SVIL: variants seen among roughly 807,000 people sequenced by gnomAD.
The protein encoded by SVIL is supervillin, also known as archvillin.
Under a neutral mutation model 240.4 loss-of-function variants are expected in SVIL, and 101 were observed. The observed-to-expected ratio is 0.42, with a 90% CI of 0.36 to 0.50. The LOEUF (loss-of-function observed/expected upper bound fraction) is 0.50. Among genes scored for constraint, SVIL ranks in the 20% least tolerant of loss-of-function variants. The probability of loss-of-function intolerance (pLI) is 0.01; values close to 1 mark genes in which losing one functional copy is unlikely to be tolerated. For missense variants in SVIL, 2,512 were observed against 2,818.7 expected (o/e 0.89, Z 2.46); for synonymous variants, 999 against 1,100.0 (o/e 0.91, Z 1.82).
At chr10:29,649,367 C>A (rs1406831497) in intron 3 of SVIL, among the ~76,000 whole-genome samples, 1 of 151,988 alleles carries the variant, frequency 6.6e-6, no homozygotes, top group Non-Finnish European at 1.5e-5. Context: ...TCTTCTGAAC[C>A]CCCACGGCAT....
At chr10:29,567,762 A>G (rs1271183021) in intron 2 of SVIL, among the ~76,000 whole-genome samples, 1 of 152,198 alleles carries the variant, frequency 6.6e-6, no homozygotes, top group Non-Finnish European at 1.5e-5. Context: ...CACGCCTGTA[A>G]TCCCAGCACT....
At position 29,533,196 on chromosome 10, in the gene SVIL, A is replaced by G; in HGVS notation, c.1171T>C (p.Cys391Arg). ...TPETPENASECSWVASATQNV... is the reference protein window; with the variant it reads ...TPETPENASERSWVASATQNV... The stretch of plus-strand genomic sequence containing the variant: ...TGGGTGGCTGATGCTACCCAGCTAC[A>G]CTCAGATGCATTTTCTGGGGTTTCT... The change falls in exon 8 of 38, where the codon TGT (cysteine) becomes CGT (arginine). Residue 391 changes from cysteine (C) to arginine (R), a missense_variant. By Grantham distance (180) the Cys-to-Arg change is radical (BLOSUM62 -3). This residue lies in a region of SVIL where 1,443 missense variants were observed against 1,486.6 expected (regional missense o/e 0.97). Coordinates refer to ENST00000355867, the MANE Select transcript of SVIL (RefSeq NM_021738.3). 1 of 1,613,812 alleles carries G rather than the reference A, an allele frequency of 6.2e-7. No individual in the cohort carries two copies. The highest frequency in any genetic ancestry group is 8.5e-7 in the Non-Finnish European group (1 of 1,179,948).
intron 3 of SVIL, among the ~76,000 whole-genome samples, chr10:29,561,322 T>C (rs1184408207): frequency 6.6e-6 from 1 of 152,220 alleles, no homozygotes; most frequent in African/African-American, 2.4e-5. Context: ...TTACCATTTG[T>C]TGAACCTTAA....
At chr10:29,480,487 C>G in intron 29 of SVIL, 50 bp downstream of exon 29, 1 of 1,596,388 alleles carries the variant, frequency 6.3e-7, no homozygotes, top group Non-Finnish European at 8.5e-7. Flanking sequence ...TCCCGCAGGG[C>G]TGCCGGGCCA....
At position 29,659,674 on chromosome 10, in the gene SVIL, T is replaced by G. The variant is rs1959100723; in HGVS notation, c.-300-1606A>C. Among the ~76,000 whole-genome samples the G allele has an allele frequency of 2.6e-5, 4 of 152,084 alleles. No individual in the cohort carries two copies. In the South Asian group the frequency reaches 8.3e-4, roughly 32 times the overall value. On this transcript the variant is annotated intron_variant, in intron 2 of 35. Transcript: ENST00000375400. ...CAGCCCATGTGAAGTTCCCACAAGG[T>G]TAAAAAATAAATTATTGTCACCACT...
intron 3 of SVIL, among the ~76,000 whole-genome samples, chr10:29,652,113 T>C (rs754180423): frequency 9.2e-5 from 14 of 152,196 alleles, no homozygotes; most frequent in Non-Finnish European, 1.9e-4. Flanking sequence ...GTTTTTAATA[T>C]ATTCACGGAA....
chr10:29,705,126 G>C (rs1376571003), intron 1 of SVIL, among the ~76,000 whole-genome samples: 1 of 151,988 alleles, frequency 6.6e-6, no homozygotes, highest in Non-Finnish European at 1.5e-5. Flanking sequence ...TTTATCCCTG[G>C]ATATTGGAAA....
chr10:29,674,524 C>T (rs1960050846), intron 2 of SVIL, among the ~76,000 whole-genome samples: 1 of 152,140 alleles, frequency 6.6e-6, no homozygotes, highest in Non-Finnish European at 1.5e-5. Flanking sequence ...CAAGAATCTT[C>T]TTGGAGTTAC....
chr10:29,488,275 C>T lies in SVIL; in HGVS notation c.4348+326G>A, dbSNP rs571788789. The stretch of plus-strand genomic sequence containing the variant: ...TAACTGCATGGATGTGTGACCGCTT[C>T]GTGGGGCACGGGGCGCCAGGAGTAA... On this transcript the variant is annotated intron_variant, in intron 23 of 37. Transcript: ENST00000355867. 7.9e-5 allele frequency among the ~76,000 whole-genome samples: 12 copies of T among 152,114 alleles called. No homozygotes were observed. In the East Asian group the frequency reaches 9.7e-4, roughly 12 times the overall value.
intron 3 of SVIL, among the ~76,000 whole-genome samples, chr10:29,644,709 G>A (rs1304102345): frequency 6.6e-6 from 1 of 152,142 alleles, no homozygotes; most frequent in Non-Finnish European, 1.5e-5. Flanking sequence ...AAAGAAACCA[G>A]AAACACTATG....
chr10:29,736,669 T>C (rs1447540358), upstream of SVIL: 1 of 152,244 alleles, frequency 6.6e-6, no homozygotes, highest in African/African-American at 2.4e-5. Context: ...CGTCCCCACC[T>C]TCCCCCCCGT....
upstream of SVIL, chr10:29,635,012 T>C (rs1325726679): frequency 6.6e-6 from 1 of 152,056 alleles, no homozygotes; most frequent in East Asian, 1.9e-4. Flanking sequence ...TGGCCTGAAC[T>C]CGAGAGCCTT....
intron 3 of SVIL, among the ~76,000 whole-genome samples, chr10:29,556,366 T>C (rs907082868): frequency 5.9e-5 from 9 of 152,206 alleles, no homozygotes; most frequent in African/African-American, 2.2e-4. Context: ...AGGAATTTGA[T>C]GTTTGACTGC....
chr10:29,475,500 CAA>C (rs1218479073), intron 29 of SVIL: 1 of 152,122 alleles, frequency 6.6e-6, no homozygotes, highest in Non-Finnish European at 1.5e-5. Flanking sequence ...TTCTAATAAA[CAA>C]AGAGACGAGC....
intron 2 of SVIL, among the ~76,000 whole-genome samples, chr10:29,678,371 C>A (rs1328172556): frequency 1.3e-5 from 2 of 152,028 alleles, no homozygotes; most frequent in African/African-American, 4.8e-5. Flanking sequence ...CTCAAATGCG[C>A]AGTTCACAAT....
intron 1 of SVIL, among the ~76,000 whole-genome samples, chr10:29,608,274 T>A (rs1433200912): frequency 6.6e-6 from 1 of 152,226 alleles, no homozygotes; most frequent in Non-Finnish European, 1.5e-5. Flanking sequence ...AGTCCTCTGG[T>A]TGAGACACCA....
At chr10:29,530,469 G>T in intron 11 of SVIL, 138 bp downstream of exon 11, 2 of 870,366 alleles carry the variant, frequency 2.3e-6, no homozygotes, top group Non-Finnish European at 3.6e-6. Flanking sequence ...TATTTTTTTT[G>T]AGATGGGGGT....
At chr10:29,617,079 A>G (rs186821118) in intron 1 of SVIL, among the ~76,000 whole-genome samples, 10 of 152,160 alleles carry the variant, frequency 6.6e-5, no homozygotes, top group African/African-American at 2.4e-4. Context: ...AAACCTCACT[A>G]AAATAACGCT....
chr10:29,480,583 C>A lies in SVIL; in HGVS notation c.5331G>T (p.Glu1777Asp). ...TCCACTTGACCACATAGGCATCCCC[C>A]TCATGGAACTGCCCGATGCTTTGTT... ...LPKQSIGQFH[E>D]GDAYVVKWKF... The change falls in exon 29 of 38, where the codon GAG becomes GAT. Residue 1777 changes from glutamate (E) to aspartate (D), a missense_variant. Transcript: ENST00000355867. 2 of 1,614,010 alleles carry A rather than the reference C, an allele frequency of 1.2e-6. No individual in the cohort carries two copies. Among genetic ancestry groups the A allele is most frequent in the Non-Finnish European group, 1.7e-6 (2 of 1,180,046 alleles).
Sources: allele counts gnomAD v4.1 joint callset (sites outside exome capture counted in the v4.1 genomes callset), GRCh38; gene constraint gnomAD v4.1.1; regional missense constraint gnomAD v4.1.1; transcripts MANE v1.5; gene names NCBI Gene and HGNC (gene_info 2026-07-23, HGNC 2026-07-21).